The following CACNB4 variants were observed in gnomAD, a reference collection of about 807,000 sequenced individuals.
The protein encoded by CACNB4 is calcium voltage-gated channel auxiliary subunit beta 4.
CACNB4 carries 32 observed loss-of-function variants against 71.2 expected under a neutral mutation model. The ratio of observed to expected loss-of-function variants is 0.45; its 90% CI spans 0.34 to 0.60. CACNB4 has a LOEUF of 0.60. Ranked by LOEUF, CACNB4 falls within the 20% of genes least tolerant of loss-of-function variation. CACNB4 has a pLI of 0.01. For missense variants in CACNB4, 464 were observed against 647.9 expected, an observed-to-expected ratio of 0.72 and a Z score of 3.08; for synonymous variants, 231 against 236.9, an observed-to-expected ratio of 0.97 and a Z score of 0.23.
chr2:151,907,884 T>C (rs2099855190), intron 2 of CACNB4, among the ~76,000 whole-genome samples: 1 of 152,174 alleles, frequency 6.6e-6, no homozygotes, highest in South Asian at 2.1e-4. Flanking sequence ...AGCACACAGT[T>C]TCTAAAGAAA....
intron 2 of CACNB4, among the ~76,000 whole-genome samples, chr2:151,909,208 A>C (rs1000699220): frequency 6.6e-6 from 1 of 150,774 alleles, no homozygotes; most frequent in African/African-American, 2.4e-5. Context: ...GGGTAGGCGG[A>C]TCACCTGAGG....
chr2:151,903,237 G>A (rs978210640), intron 2 of CACNB4, among the ~76,000 whole-genome samples: 2 of 152,084 alleles, frequency 1.3e-5, no homozygotes, highest in Non-Finnish European at 2.9e-5. Context: ...TTTGAGGCCG[G>A]GCATGGTGGC....
intron 2 of CACNB4, among the ~76,000 whole-genome samples, chr2:152,055,294 G>A (rs1008440752): frequency 2.0e-5 from 3 of 152,328 alleles, no homozygotes; most frequent in African/African-American, 7.2e-5. Flanking sequence ...TTACAGGTGT[G>A]AGCCACCATG....
intron 2 of CACNB4, among the ~76,000 whole-genome samples, chr2:151,904,103 G>A (rs539734519): frequency 6.6e-5 from 10 of 152,270 alleles, no homozygotes; most frequent in Non-Finnish European, 1.2e-4. Context: ...AAAAACGCTT[G>A]CCTCCAATTT....
chr2:151,991,432 C>T (rs2151763069), intron 2 of CACNB4, among the ~76,000 whole-genome samples: 1 of 152,306 alleles, frequency 6.6e-6, no homozygotes, highest in South Asian at 2.1e-4. Flanking sequence ...AACCTGAGTC[C>T]TCCTCTCACC....
chr2:152,085,075 C>A (rs900235680), intron 2 of CACNB4, among the ~76,000 whole-genome samples: 2 of 151,986 alleles, frequency 1.3e-5, no homozygotes, highest in Non-Finnish European at 2.9e-5. Context: ...ATATTGAAGA[C>A]GGATTTTGAC....
chr2:151,854,423 C>G (rs1296826202), intron 11 of CACNB4: 1 of 152,204 alleles, frequency 6.6e-6, no homozygotes, highest in East Asian at 1.9e-4. Context: ...GAGGAGAGTA[C>G]AGCTTCTTTA....
At chr2:152,007,357 T>C (rs1682788317) in intron 2 of CACNB4, among the ~76,000 whole-genome samples, 1 of 152,232 alleles carries the variant, frequency 6.6e-6, no homozygotes, top group African/African-American at 2.4e-5. Context: ...TCTGTACCCA[T>C]TTAACACTAA....
At chr2:151,967,554 C>T (rs1181959015) in intron 2 of CACNB4, 1 of 152,138 alleles carries the variant, frequency 6.6e-6, no homozygotes, top group Non-Finnish European at 1.5e-5. Context: ...TTCAACAAAG[C>T]TGCCAATAGA....
intron 2 of CACNB4, among the ~76,000 whole-genome samples, chr2:151,889,044 T>A (rs2099850080): frequency 6.6e-6 from 1 of 152,252 alleles, no homozygotes; most frequent in Admixed American, 6.5e-5. Flanking sequence ...CTTTTAATTA[T>A]TTTAAATTTA....
chr2:152,060,486 T>C (rs1228265970), intron 2 of CACNB4, among the ~76,000 whole-genome samples: 3 of 152,204 alleles, frequency 2.0e-5, no homozygotes, highest in Non-Finnish European at 4.4e-5. Context: ...TCCAATGTTA[T>C]AGCATGCTAT....
intron 2 of CACNB4, among the ~76,000 whole-genome samples, chr2:151,949,085 C>T (rs2099866272): frequency 6.6e-6 from 1 of 151,482 alleles, no homozygotes; most frequent in African/African-American, 2.4e-5. Context: ...CTCTTCCTAC[C>T]TTTTCTCCCT....
intron 2 of CACNB4, among the ~76,000 whole-genome samples, chr2:152,066,418 G>A (rs936154880): frequency 4.6e-5 from 7 of 152,132 alleles, no homozygotes; most frequent in African/African-American, 1.7e-4. Flanking sequence ...GGCCATCAGA[G>A]AAATGCAAAT....
chr2:151,833,905 T>A lies in CACNB4; in HGVS notation c.*5214A>T, dbSNP rs1259130029. The A allele has an allele frequency of 6.6e-6, 1 of 152,246 alleles. No individual in the cohort carries two copies. Among genetic ancestry groups the A allele is most frequent in the South Asian group, 2.1e-4 (1 of 4,830 alleles). The allele number at this position is 152,246 out of a possible 1,614,324, so 9.4% of individuals were successfully genotyped here. On this transcript the variant is annotated 3_prime_UTR_variant, in exon 14 of 14. Transcript: ENST00000539935. ...TATAAGTAACAACATAGATTTATTT[T>A]GGCAATAAAATGCTTTCATTTTAAT...
chr2:151,885,704 T>C (rs1462796799), intron 2 of CACNB4, among the ~76,000 whole-genome samples: 1 of 152,264 alleles, frequency 6.6e-6, no homozygotes, highest in African/African-American at 2.4e-5. Flanking sequence ...CTTTATATAG[T>C]GCTTCTGAAA....
chr2:152,019,126 A>G (rs1683515787), intron 2 of CACNB4, among the ~76,000 whole-genome samples: 1 of 152,190 alleles, frequency 6.6e-6, no homozygotes, highest in East Asian at 1.9e-4. Flanking sequence ...CATGTTGAAT[A>G]AAGACCAGTA....
At chr2:151,913,933 A>C (rs980473436) in intron 2 of CACNB4, among the ~76,000 whole-genome samples, 5 of 151,984 alleles carry the variant, frequency 3.3e-5, no homozygotes, top group African/African-American at 1.2e-4. Flanking sequence ...AACCTTGGAG[A>C]ATCTGATGAT....
intron 10 of CACNB4, chr2:151,859,602 A>T (rs1005733200): frequency 1.3e-5 from 2 of 152,206 alleles, no homozygotes; most frequent in Non-Finnish European, 2.9e-5. Flanking sequence ...TGTGCCTTTG[A>T]GCATGTTTCC....
At chr2:151,915,847 CAAAAAAAA>C (rs143625402) in intron 2 of CACNB4, among the ~76,000 whole-genome samples, 5 of 82,020 alleles carry the variant, frequency 6.1e-5, no homozygotes, top group Non-Finnish European at 1.3e-4. Flanking sequence ...AGCTCCATCT[CAAAAAAAA>C]AAAAAAAAAA....
Sources: gnomAD v4.1 joint callset for allele counts (sites outside exome capture counted in the v4.1 genomes callset) on GRCh38, gnomAD v4.1.1 for gene constraint, MANE v1.5 for transcripts, NCBI Gene and HGNC (gene_info 2026-07-23, HGNC 2026-07-21) for gene names.